Variants in GALNT13 observed in about 807,000 individuals in gnomAD.
GALNT13 encodes the protein polypeptide N-acetylgalactosaminyltransferase 13.
In GALNT13, 28 loss-of-function variants were observed where a neutral mutation model predicts 64.2. The ratio of observed to expected loss-of-function variants is 0.44; its 90% CI spans 0.32 to 0.60. The LOEUF (loss-of-function observed/expected upper bound fraction) is 0.60. Among genes scored for constraint, GALNT13 ranks in the 20% least tolerant of loss-of-function variants. The probability of loss-of-function intolerance (pLI) is 0.05; values close to 1 mark genes in which losing one functional copy is unlikely to be tolerated. For synonymous variants in GALNT13, 214 were observed against 224.6 expected, an observed-to-expected ratio of 0.95 and a Z score of 0.42; for missense variants, 577 against 669.8, an observed-to-expected ratio of 0.86 and a Z score of 1.53.
intron 4 of GALNT13, among the ~76,000 whole-genome samples, chr2:154,217,773 A>G (rs1180560917): frequency 6.6e-6 from 1 of 152,200 alleles, no homozygotes; most frequent in Non-Finnish European, 1.5e-5. Context: ...GCATGGAAGT[A>G]TATAAAGTGG....
the GALNT13 span, among the ~76,000 whole-genome samples, chr2:153,507,112 G>A: frequency 6.6e-5 from 10 of 151,834 alleles, no homozygotes; most frequent in Non-Finnish European, 1.2e-4. Context: ...AAGCTCTAAA[G>A]TTCTTTCTTC....
intron 3 of GALNT13, among the ~76,000 whole-genome samples, chr2:154,040,273 A>C (rs990534003): frequency 2.8e-5 from 4 of 140,838 alleles, no homozygotes; most frequent in Admixed American, 7.1e-5. Flanking sequence ...TGCTCAAATC[A>C]AGAAGGTCAT....
At chr2:154,200,054 T>A (rs1397372560) in intron 4 of GALNT13, among the ~76,000 whole-genome samples, 1 of 152,038 alleles carries the variant, frequency 6.6e-6, no homozygotes, top group Non-Finnish European at 1.5e-5. Flanking sequence ...AATTTATTTA[T>A]TTTTTGTGAG....
the GALNT13 span, among the ~76,000 whole-genome samples, chr2:153,549,832 A>G: frequency 2.0e-5 from 3 of 152,178 alleles, no homozygotes; most frequent in Non-Finnish European, 4.4e-5. Context: ...CCATATTAAA[A>G]ACAAGAAAAA....
chr2:153,879,472 C>T (rs1686628002), intron 1 of GALNT13, among the ~76,000 whole-genome samples: 1 of 151,928 alleles, frequency 6.6e-6, no homozygotes, highest in African/African-American at 2.4e-5. Flanking sequence ...AGCCTTAAAC[C>T]CCTTGGCGCA....
the GALNT13 span, among the ~76,000 whole-genome samples, chr2:153,740,557 C>A: frequency 2.0e-5 from 3 of 151,984 alleles, no homozygotes; most frequent in Admixed American, 6.6e-5. Flanking sequence ...CGTCTTTTCT[C>A]TCTAGTCTTA....
chr2:153,483,185 C>T, the GALNT13 span, among the ~76,000 whole-genome samples: 68 of 152,138 alleles, frequency 4.5e-4, 1 homozygote, highest in South Asian at 0.013. Context: ...AAAAATTAAA[C>T]ATAAAATTAC....
At chr2:153,194,755 G>A in the GALNT13 span, among the ~76,000 whole-genome samples, 18,774 of 152,170 alleles carry the variant, frequency 0.12, 1,466 homozygotes, top group Non-Finnish European at 0.17. Context: ...TCCTGTAGAT[G>A]TATTTAAATG....
chr2:153,142,283 G>A, the GALNT13 span, among the ~76,000 whole-genome samples: 4 of 152,058 alleles, frequency 2.6e-5, no homozygotes, highest in African/African-American at 9.7e-5. Context: ...GCACCTTGGG[G>A]CATGTTTGGG....
At chr2:153,806,222 CTAGAG>C in the GALNT13 span, among the ~76,000 whole-genome samples, 1 of 151,966 alleles carries the variant, frequency 6.6e-6, no homozygotes. Context: ...TCAAAGATTA[CTAGAG>C]TAATGTTAAA....
the GALNT13 span, among the ~76,000 whole-genome samples, chr2:153,742,436 A>T: frequency 6.6e-6 from 1 of 152,094 alleles, no homozygotes; most frequent in Admixed American, 6.6e-5. Context: ...GTTTAGATTT[A>T]GGGGGTACAT....
chr2:153,294,803 A>G, the GALNT13 span, among the ~76,000 whole-genome samples: 3 of 152,212 alleles, frequency 2.0e-5, no homozygotes, highest in Non-Finnish European at 4.4e-5. Context: ...CTTTTGCCTC[A>G]GAGACACATC....
At chr2:154,280,841 C>A (rs1217838136) in intron 8 of GALNT13, among the ~76,000 whole-genome samples, 1 of 152,084 alleles carries the variant, frequency 6.6e-6, no homozygotes, top group Non-Finnish European at 1.5e-5. Context: ...GGGAGAAGAC[C>A]AATGTAAAAT....
intron 4 of GALNT13, among the ~76,000 whole-genome samples, chr2:154,201,006 T>G (rs1687139983): frequency 6.6e-6 from 1 of 152,154 alleles, no homozygotes; most frequent in Non-Finnish European, 1.5e-5. Flanking sequence ...AAAATACTTT[T>G]GGAATATTAT....
intron 9 of GALNT13, among the ~76,000 whole-genome samples, chr2:154,316,929 T>A (rs113139459): frequency 0.023 from 3,478 of 152,176 alleles, 119 homozygotes; most frequent in African/African-American, 0.073. Flanking sequence ...AAAATACAGG[T>A]GGGCCAGGTG....
At chr2:154,093,039 G>C (rs182547395) in intron 3 of GALNT13, among the ~76,000 whole-genome samples, 1 of 152,006 alleles carries the variant, frequency 6.6e-6, no homozygotes, top group Non-Finnish European at 1.5e-5. Context: ...ATAAATTTAA[G>C]TACTTGAAGT....
chr2:153,878,395 C>T (rs1370854684), intron 1 of GALNT13, among the ~76,000 whole-genome samples: 2 of 152,070 alleles, frequency 1.3e-5, no homozygotes, highest in Non-Finnish European at 2.9e-5. Flanking sequence ...CTCTATGCAC[C>T]CACACAGCTC....
chr2:154,100,963 T>C (rs2105463242), intron 3 of GALNT13, among the ~76,000 whole-genome samples: 1 of 152,212 alleles, frequency 6.6e-6, no homozygotes, highest in Admixed American at 6.6e-5. Context: ...ATTGAGGTGG[T>C]TGTATGGTTT....
chr2:154,025,141 T>G (rs1863084), intron 3 of GALNT13, among the ~76,000 whole-genome samples: 116,433 of 151,986 alleles, frequency 0.77, 44,991 homozygotes, highest in East Asian at 0.96. Flanking sequence ...TCGGGGGTCA[T>G]GGACCCACTT....
Sources: allele counts gnomAD v4.1 joint callset (sites outside exome capture counted in the v4.1 genomes callset), GRCh38; gene constraint gnomAD v4.1.1; transcripts MANE v1.5; gene names NCBI Gene and HGNC (gene_info 2026-07-23, HGNC 2026-07-21).